MAP3K7: variants seen among roughly 807,000 people sequenced by gnomAD.
MAP3K7 encodes mitogen-activated protein kinase kinase kinase 7, also known as TGF-beta activated kinase 1.
MAP3K7 carries 21 observed loss-of-function variants against 84.8 expected under a neutral mutation model. The observed-to-expected ratio is 0.25, with a 90% CI of 0.18 to 0.36. The LOEUF is 0.36. Ranked by LOEUF, MAP3K7 falls within the 10% of genes least tolerant of loss-of-function variation. The pLI is 1.00. For synonymous variants in MAP3K7, 241 were observed against 247.7 expected (o/e 0.97, Z 0.25); for missense variants, 503 against 747.7 (o/e 0.67, Z 3.82).
At chr6:90,585,897 C>A (rs1358515694) in intron 1 of MAP3K7, among the ~76,000 whole-genome samples, 1 of 152,138 alleles carries the variant, frequency 6.6e-6, no homozygotes, top group African/African-American at 2.4e-5. Context: ...AACTGAAAGC[C>A]GAGCATTTAA....
intron 1 of MAP3K7, among the ~76,000 whole-genome samples, chr6:90,573,305 A>G (rs1415391548): frequency 6.6e-6 from 1 of 152,194 alleles, no homozygotes. Context: ...TTAGACTTAC[A>G]TGAACAAATT....
At chr6:90,569,100 A>G (rs1438471492) in intron 2 of MAP3K7, among the ~76,000 whole-genome samples, 2 of 152,200 alleles carry the variant, frequency 1.3e-5, no homozygotes, top group Non-Finnish European at 1.5e-5. Flanking sequence ...TAGATATTGT[A>G]TAATTATCAC....
chr6:90,562,400 T>C (rs1776551820), intron 3 of MAP3K7, among the ~76,000 whole-genome samples: 1 of 152,176 alleles, frequency 6.6e-6, no homozygotes, highest in South Asian at 2.1e-4. Flanking sequence ...CCAACGGTCT[T>C]AGCAAACACC....
chr6:90,548,319 C>A, intron 9 of MAP3K7, 142 bp from the exon 10 acceptor site: 1 of 670,464 alleles, frequency 1.5e-6, no homozygotes, highest in Non-Finnish European at 2.3e-6. Context: ...ATGAAGATAT[C>A]CAAACAAACC....
In MAP3K7 at chr6:90,586,970, C is replaced by A. The variant is rs1431494891; in HGVS notation, c.-87G>T. On this transcript the variant is annotated 5_prime_UTR_variant, in exon 1 of 17. Coordinates refer to ENST00000369329, the MANE Select transcript of MAP3K7 (RefSeq NM_145331.3). Reference sequence around the variant, plus strand: ...CGCGCCCACCCGCCTCCGGACCGACCCTCAGCCTGGAGCCGCGCAGTCCTA... The same window carrying A: ...CGCGCCCACCCGCCTCCGGACCGACACTCAGCCTGGAGCCGCGCAGTCCTA... 4 of 1,425,066 alleles carry A rather than the reference C, an allele frequency of 2.8e-6. No individual in the cohort carries two copies. In the East Asian group the frequency reaches 1.1e-4, roughly 39 times the overall value. 88.3% of individuals were successfully genotyped at this position (1,425,066 alleles called of 1,614,324 possible).
At chr6:90,526,084 C>A (rs1775313150) in intron 13 of MAP3K7, among the ~76,000 whole-genome samples, 1 of 152,016 alleles carries the variant, frequency 6.6e-6, no homozygotes, top group African/African-American at 2.4e-5. Flanking sequence ...TTCAAGAAAT[C>A]CTCCCACCTT....
In MAP3K7 at chr6:90,516,455, A is replaced by G; in HGVS notation, c.*46T>C. ...TTATAAGGTTTTCCTTTCCTTAAAA[A>G]AAAAGTCTTTCTTTGCATATTTCAA... On this transcript the variant is annotated 3_prime_UTR_variant, in exon 17 of 17. Transcript: ENST00000369329. 1 of 1,581,674 alleles carries G rather than the reference A, an allele frequency of 6.3e-7. No individual in the cohort carries two copies. Among genetic ancestry groups the G allele is most frequent in the Non-Finnish European group, 8.6e-7 (1 of 1,166,484 alleles).
intron 13 of MAP3K7, among the ~76,000 whole-genome samples, chr6:90,529,230 C>T (rs1775420801): frequency 6.6e-6 from 1 of 152,160 alleles, no homozygotes; most frequent in African/African-American, 2.4e-5. Flanking sequence ...TTCCTCATGC[C>T]CCTGTTTCCC....
chr6:90,531,559 T>C (rs777061971), intron 13 of MAP3K7, among the ~76,000 whole-genome samples: 3 of 152,174 alleles, frequency 2.0e-5, no homozygotes, highest in Non-Finnish European at 4.4e-5. Context: ...AATCTAAAGG[T>C]CTGTAGGCTT....
intron 1 of MAP3K7, among the ~76,000 whole-genome samples, chr6:90,584,310 G>A (rs1439189313): frequency 6.6e-6 from 1 of 152,102 alleles, no homozygotes; most frequent in Non-Finnish European, 1.5e-5. Flanking sequence ...TGCAAATGAA[G>A]AAGATGATGG....
intron 13 of MAP3K7, among the ~76,000 whole-genome samples, chr6:90,532,312 G>A (rs1413356474): frequency 1.3e-5 from 2 of 152,180 alleles, no homozygotes; most frequent in Admixed American, 1.3e-4. Flanking sequence ...ATGAGAGCAA[G>A]GAAGTGATAT....
intron 9 of MAP3K7, 63 bp downstream of exon 9, chr6:90,550,404 TA>T (rs1372234883): frequency 3.1e-5 from 33 of 1,057,234 alleles, no homozygotes; most frequent in Non-Finnish European, 4.1e-5. Context: ...TTCTTGATTA[TA>T]ATTTCATGGG....
chr6:90,518,928 G>A lies in MAP3K7; in HGVS notation c.1524+330C>T, dbSNP rs543737009. Among the ~76,000 whole-genome samples, 89 of 151,814 alleles carry A rather than the reference G, an allele frequency of 5.9e-4. 1 individual carries two copies. The highest frequency in any genetic ancestry group is 2.0e-3 in the African/African-American group (81 of 41,486). Reference sequence around the variant, plus strand: ...TTTCAGTCACTATGAACATGAGAATGTATCACAAATGTATTAAATAGAAAT... The same window carrying A: ...TTTCAGTCACTATGAACATGAGAATATATCACAAATGTATTAAATAGAAAT... On this transcript the variant is annotated intron_variant, in intron 15 of 16. Transcript: ENST00000369329.
intron 14 of MAP3K7, among the ~76,000 whole-genome samples, chr6:90,522,452 G>T (rs181107324): frequency 6.6e-6 from 1 of 152,220 alleles, no homozygotes; most frequent in Admixed American, 6.5e-5. Flanking sequence ...TTGCCAGGGG[G>T]TTCAGAAATC....
At chr6:90,526,479 C>T (rs1775325918) in intron 13 of MAP3K7, among the ~76,000 whole-genome samples, 1 of 151,886 alleles carries the variant, frequency 6.6e-6, no homozygotes, top group Non-Finnish European at 1.5e-5. Context: ...AAGAAGAAAA[C>T]AAAAGGGACA....
intron 6 of MAP3K7, among the ~76,000 whole-genome samples, chr6:90,554,247 C>G (rs1298162496): frequency 6.6e-6 from 1 of 152,156 alleles, no homozygotes; most frequent in Non-Finnish European, 1.5e-5. Context: ...TCTTCCCACT[C>G]TGACAGACAG....
intron 8 of MAP3K7, 109 bp downstream of exon 8, chr6:90,551,940 G>T: frequency 8.3e-7 from 1 of 1,204,706 alleles, no homozygotes; most frequent in Non-Finnish European, 1.1e-6. Context: ...AGAAAACATA[G>T]CAATATATAA....
chr6:90,586,315 T>G (rs1034569605), intron 1 of MAP3K7, among the ~76,000 whole-genome samples: 7 of 135,184 alleles, frequency 5.2e-5, no homozygotes, highest in African/African-American at 2.0e-4. Flanking sequence ...GAGCTTGCAG[T>G]GAGCCGAGAT....
At chr6:90,584,383 T>C (rs10498969) in intron 1 of MAP3K7, among the ~76,000 whole-genome samples, 10,675 of 152,144 alleles carry the variant, frequency 0.07, 368 homozygotes, top group South Asian at 0.087. Context: ...AAAAATGAAC[T>C]AAGTATTAAA....
Sources: allele counts gnomAD v4.1 joint callset (sites outside exome capture counted in the v4.1 genomes callset), GRCh38; gene constraint gnomAD v4.1.1; transcripts MANE v1.5; gene names NCBI Gene and HGNC (gene_info 2026-07-23, HGNC 2026-07-21).